PDGFA: variants seen among roughly 807,000 people sequenced by gnomAD.
The protein encoded by PDGFA is platelet derived growth factor subunit A.
Under a neutral mutation model 25.6 loss-of-function variants are expected in PDGFA, and 9 were observed. The observed-to-expected ratio is 0.35, with a 90% CI of 0.21 to 0.61. The LOEUF is 0.61. PDGFA is among the 20% of genes least tolerant of loss of function. The pLI is 0.75. For missense variants in PDGFA, 242 were observed against 272.8 expected (o/e 0.89, Z 0.79); for synonymous variants, 133 against 111.8 (o/e 1.19, Z -1.20).
In PDGFA at chr7:500,077, C is replaced by T. The variant is rs1782259298; in HGVS notation, c.580+1039G>A. 6.6e-6 allele frequency among the ~76,000 whole-genome samples: 1 copy of T among 152,210 alleles called. No homozygotes were observed. Among genetic ancestry groups the T allele is most frequent in the African/African-American group, 2.4e-5 (1 of 41,448 alleles). On this transcript the variant is annotated intron_variant, in intron 5 of 5. Transcript: ENST00000402802. The surrounding 1 kb of genome is among the most constrained non-coding windows in gnomAD (Gnocchi z 5.0). ...GTTAAGCCTCAGTTTTTTCATCTGTCAAATGGGGTGGGTGATCCCAGAGTG... is the reference window on the plus strand; with the variant it reads ...GTTAAGCCTCAGTTTTTTCATCTGTTAAATGGGGTGGGTGATCCCAGAGTG...
chr7:506,862 C>T (rs1003709929), intron 4 of PDGFA, among the ~76,000 whole-genome samples: 2 of 152,212 alleles, frequency 1.3e-5, no homozygotes, highest in African/African-American at 4.8e-5. Context: ...GCTTCACTAC[C>T]ATCCATCTTC....
chr7:507,865 GCCCTC>G (rs879635867), intron 4 of PDGFA, among the ~76,000 whole-genome samples: 1 of 152,166 alleles, frequency 6.6e-6, no homozygotes, highest in Admixed American at 6.5e-5. Flanking sequence ...CCTGAGTTAG[GCCCTC>G]CCCTCCCCTC....
At chr7:510,830 G>T (rs149090369) in exon 4 of PDGFA, 4 of 1,597,474 alleles carry the variant, frequency 2.5e-6, no homozygotes, top group Non-Finnish European at 2.6e-6. Flanking sequence ...GGTGGTGGAC[G>T]CGGGAGGGCT....
At chr7:510,961 C>G (rs2128400576) in exon 4 of PDGFA, 1 of 1,612,834 alleles carries the variant, frequency 6.2e-7, no homozygotes, top group South Asian at 1.1e-5. Flanking sequence ...TCGTAAATGA[C>G]CGTCCTGGTC....
At chr7:511,664 G>A (rs989723890) in intron 3 of PDGFA, among the ~76,000 whole-genome samples, 1 of 152,138 alleles carries the variant, frequency 6.6e-6, no homozygotes. Flanking sequence ...GGGCCCCAGA[G>A]CCATGAGCAG....
intron 4 of PDGFA, among the ~76,000 whole-genome samples, chr7:510,253 G>A (rs935780239): frequency 2.0e-5 from 3 of 151,942 alleles, no homozygotes; most frequent in East Asian, 1.9e-4. Flanking sequence ...TGCCTTTCCC[G>A]CACCCCCAGG....
chr7:520,374 G>C (rs1411629877), upstream of PDGFA: 1 of 162,270 alleles, frequency 6.2e-6, no homozygotes, highest in Non-Finnish European at 1.3e-5. Flanking sequence ...GGGGAAGGAG[G>C]GGGGCGGGTT....
intron 2 of PDGFA, among the ~76,000 whole-genome samples, chr7:515,467 T>G (rs1331561422): frequency 6.6e-6 from 1 of 152,068 alleles, no homozygotes; most frequent in Non-Finnish European, 1.5e-5. Flanking sequence ...AGACTGTGGG[T>G]TTCTCTGGTT....
At chr7:515,139 G>A (rs1409176579) in intron 2 of PDGFA, among the ~76,000 whole-genome samples, 5 of 152,184 alleles carry the variant, frequency 3.3e-5, no homozygotes, top group East Asian at 1.9e-4. Flanking sequence ...TTCCTACAGC[G>A]TGGGCCTTAG....
At chr7:503,572 G>T (rs1002382662) in intron 4 of PDGFA, among the ~76,000 whole-genome samples, 2 of 152,180 alleles carry the variant, frequency 1.3e-5, no homozygotes, top group Non-Finnish European at 2.9e-5. Context: ...GGGAAGGGGG[G>T]ACTCCAGACT....
chr7:500,823 A>G lies in PDGFA; in HGVS notation c.580+293T>C. Reference sequence around the variant, plus strand: ...CAGATTCTTCTCAGCTCAGCCCCGCAGCCCACTAATGAATTGGGTGTCTTA... The same window carrying G: ...CAGATTCTTCTCAGCTCAGCCCCGCGGCCCACTAATGAATTGGGTGTCTTA... On this transcript the variant is annotated intron_variant, in intron 5 of 5. Coordinates refer to ENST00000402802, the Ensembl canonical transcript of PDGFA. The surrounding 1 kb of genome is among the most constrained non-coding windows in gnomAD (Gnocchi z 5.0). 6.7e-7 allele frequency: 1 copy of G among 1,482,792 alleles called. No homozygotes were observed. Among genetic ancestry groups the G allele is most frequent in the Non-Finnish European group, 9.0e-7 (1 of 1,115,406 alleles). 91.9% of individuals were successfully genotyped at this position (1,482,792 alleles called of 1,614,324 possible).
intron 4 of PDGFA, among the ~76,000 whole-genome samples, chr7:504,309 G>A (rs946448810): frequency 6.6e-5 from 10 of 152,056 alleles, no homozygotes; most frequent in African/African-American, 2.2e-4. Flanking sequence ...GGCCCGGCCC[G>A]AGGATGAACT....
At chr7:498,069 C>T (rs903117899) in exon 6 of PDGFA, 2 of 151,736 alleles carry the variant, frequency 1.3e-5, no homozygotes, top group Admixed American at 6.6e-5. Context: ...TTCTAAAGTT[C>T]GCGTGGCGGT....
At chr7:508,590 T>TAAAAAAAAAACACC (rs1275774675) in intron 4 of PDGFA, among the ~76,000 whole-genome samples, 1 of 130,898 alleles carries the variant, frequency 7.6e-6, no homozygotes, top group Admixed American at 8.4e-5. Context: ...AAAAAAAAAT[T>TAAAAAAAAAACACC]CTCAGCTGAG....
At chr7:519,416 C>A, upstream of PDGFA, 1 of 165,076 alleles carries the variant, frequency 6.1e-6, no homozygotes, top group Non-Finnish European at 1.3e-5. Context: ...AGAAGAACTC[C>A]GGAGGGAGTC....
rs558591876 is a variant in PDGFA at position 511,931 on chromosome 7, G to A, written c.265+420C>T. 2.2e-4 allele frequency among the ~76,000 whole-genome samples: 33 copies of A among 152,326 alleles called. No individual in the cohort carries two copies. The East Asian group carries it at 5.2e-3, about 24-fold the overall frequency. On this transcript the variant is annotated intron_variant, in intron 3 of 5. Transcript: ENST00000402802. ...GGCAGCCGCCGGACACAGCACGCGC[G>A]TCCCCACCAGTTCAGCAGCCGGCGC...
At chr7:499,762 A>G (rs1782249536) in intron 5 of PDGFA, among the ~76,000 whole-genome samples, 1 of 92,876 alleles carries the variant, frequency 1.1e-5, no homozygotes, top group Non-Finnish European at 2.1e-5. Context: ...CCTGGAGCAC[A>G]GATGTGGTTT....
chr7:516,584 A>T (rs1783113673), intron 2 of PDGFA, among the ~76,000 whole-genome samples: 1 of 152,202 alleles, frequency 6.6e-6, no homozygotes. Context: ...CACGCCTGGA[A>T]GAGAGACCTC....
rs1199805095 is a variant in PDGFA at position 516,003 on chromosome 7, C to CG, written c.160+1390_160+1391insC. ...AAGCCTCCCCTTCTGCTAGCACCCCCCCCCAGAAAAAGCCCTGAAACCTTC... is the reference window on the plus strand; with the variant it reads ...AAGCCTCCCCTTCTGCTAGCACCCCCGCCCCAGAAAAAGCCCTGAAACCTTC... On this transcript the variant is annotated intron_variant, in intron 2 of 5. Coordinates refer to ENST00000402802, the Ensembl canonical transcript of PDGFA. 4.4e-5 allele frequency among the ~76,000 whole-genome samples: 5 copies of CG among 113,762 alleles called. 1 individual carries two copies. Among genetic ancestry groups the CG allele is most frequent in the East Asian group, 3.0e-4 (1 of 3,338 alleles). The allele number at this position is 113,762 out of a possible 152,430, so 74.6% of individuals were successfully genotyped here.
Sources: allele counts gnomAD v4.1 joint callset (sites outside exome capture counted in the v4.1 genomes callset), GRCh38; gene constraint gnomAD v4.1.1; non-coding constraint Gnocchi (gnomAD v3.1); transcripts MANE v1.5; gene names NCBI Gene and HGNC (gene_info 2026-07-23, HGNC 2026-07-21).